The following POLQ variants were observed in gnomAD, a reference collection of about 807,000 sequenced individuals.
POLQ encodes the protein DNA polymerase theta, also known as epididymis secretory sperm binding protein.
In POLQ, 233 loss-of-function variants were observed where a neutral mutation model predicts 259.2. That is an observed-to-expected ratio of 0.90 (90% CI 0.81 to 1.00). POLQ has a LOEUF of 1.00. POLQ is among the 50% of genes least tolerant of loss of function. The pLI, the probability that POLQ is intolerant of heterozygous loss-of-function variation, is 0.00. For missense variants in POLQ, 2,871 were observed against 3,051.6 expected, an observed-to-expected ratio of 0.94 and a Z score of 1.39; for synonymous variants, 1,025 against 1,048.8, an observed-to-expected ratio of 0.98 and a Z score of 0.44.
At chr3:121,440,169 T>G in intron 26 of POLQ, 53 bp from the exon 27 acceptor site, 1 of 1,434,518 alleles carries the variant, frequency 7.0e-7, no homozygotes, top group Non-Finnish European at 9.7e-7. Context: ...ATCCTTCACT[T>G]CATTCACTGG....
intron 25 of POLQ, among the ~76,000 whole-genome samples, chr3:121,452,431 G>A (rs866138993): frequency 2.0e-5 from 3 of 151,540 alleles, no homozygotes; most frequent in South Asian, 4.2e-4. Flanking sequence ...CCACCGCCAC[G>A]TTTTTTAATG....
chr3:121,490,564 G>A, intron 15 of POLQ, 156 bp from the exon 16 acceptor site: 1 of 646,038 alleles, frequency 1.5e-6, no homozygotes. Context: ...TCTAGCTGGG[G>A]AATTCAGAAA....
At chr3:121,433,145 C>A in intron 28 of POLQ, 112 bp from the exon 29 acceptor site, 1 of 677,290 alleles carries the variant, frequency 1.5e-6, no homozygotes, top group South Asian at 1.6e-5. Context: ...TTAAAACACA[C>A]AAGAATAAGA....
rs1466459909 is a variant in POLQ, at chr3:121,460,172, G to A, written c.7030C>T (p.His2344Tyr). ...LELRILAHLS[H>Y]DRRLIQVLNT... ...AACACTTGAATGAGACGACGATCAT[G>A]GGATAAATGAGCCAAGATCCTCAGT... The change falls in exon 25 of 30, where the codon CAT (histidine) becomes TAT (tyrosine). Residue 2344 changes from histidine (H) to tyrosine (Y), a missense_variant. Transcript: ENST00000264233. The A allele has an allele frequency of 4.3e-6, 7 of 1,613,132 alleles. No individual in the cohort carries two copies. Among genetic ancestry groups the A allele is most frequent in the Non-Finnish European group, 5.9e-6 (7 of 1,179,218 alleles).
chr3:121,494,043 CTCTCTT>C, intron 14 of POLQ: 1 of 620,680 alleles, frequency 1.6e-6, no homozygotes, highest in Non-Finnish European at 2.8e-6. Context: ...TCCTCTCTCT[CTCTCTT>C]TCTTAAGCAA....
chr3:121,540,151 T>C (rs1192289085), intron 3 of POLQ, among the ~76,000 whole-genome samples: 1 of 152,128 alleles, frequency 6.6e-6, no homozygotes, highest in Non-Finnish European at 1.5e-5. Flanking sequence ...AGTTGAGTGA[T>C]GTTACCATGT....
In POLQ at chr3:121,489,182, C is replaced by G; in HGVS notation, c.3749G>C (p.Ser1250Thr). The change falls in exon 16 of 30, where the codon AGT becomes ACT. Residue 1250 changes from serine to threonine, a missense_variant. By Grantham distance (58) the Ser-to-Thr change is moderately conservative. Coordinates refer to ENST00000264233, the MANE Select transcript of POLQ (RefSeq NM_199420.4). ...ATCATCTCCTAATGCCTGAAAATGACTTGGTTTATTTTCCTCTGTATTAAG... is the reference window on the plus strand; with the variant it reads ...ATCATCTCCTAATGCCTGAAAATGAGTTGGTTTATTTTCCTCTGTATTAAG... ...IKLNTEENKP[S>T]HFQALGDDIS... is the part of the protein sequence containing the mutation. The G allele has an allele frequency of 1.9e-6, 3 of 1,612,418 alleles. No individual in the cohort carries two copies. The highest frequency in any genetic ancestry group is 2.5e-6 in the Non-Finnish European group (3 of 1,179,436).
chr3:121,523,608 G>C (rs141497927), intron 7 of POLQ, among the ~76,000 whole-genome samples: 1 of 151,984 alleles, frequency 6.6e-6, no homozygotes, highest in Non-Finnish European at 1.5e-5. Flanking sequence ...CCAGCTACTC[G>C]GGAGGCTGAA....
intron 19 of POLQ, among the ~76,000 whole-genome samples, chr3:121,478,708 A>G (rs1479330461): frequency 6.6e-6 from 1 of 152,038 alleles, no homozygotes; most frequent in Non-Finnish European, 1.5e-5. Context: ...AACTAATATT[A>G]AGAGAAAGCT....
chr3:121,513,567 A>C (rs2048271259), intron 9 of POLQ, among the ~76,000 whole-genome samples: 1 of 130,690 alleles, frequency 7.7e-6, no homozygotes, highest in Non-Finnish European at 1.5e-5. Flanking sequence ...ACGCCACTGC[A>C]CTCCAGCCTG....
chr3:121,457,935 C>T (rs1333758122), intron 25 of POLQ, among the ~76,000 whole-genome samples: 3 of 152,084 alleles, frequency 2.0e-5, no homozygotes, highest in East Asian at 1.9e-4. Flanking sequence ...TACATGCACA[C>T]GTATGTTTAT....
chr3:121,490,535 A>G lies in POLQ; in HGVS notation c.2523-127T>C, dbSNP rs1316118668. On this transcript the variant is annotated intron_variant, in intron 15 of 29. Coordinates refer to ENST00000264233, the MANE Select transcript of POLQ (RefSeq NM_199420.4). ...AACAATGAAGAAGAGAGAGAAATGTATCTGCTCTCATGGCACATTCTAGCT... is the reference window on the plus strand; with the variant it reads ...AACAATGAAGAAGAGAGAGAAATGTGTCTGCTCTCATGGCACATTCTAGCT... 9.4e-6 allele frequency: 7 copies of G among 744,856 alleles called. No individual in the cohort carries two copies. The African/African-American group carries it at 1.1e-4, about 11-fold the overall frequency. The allele number at this position is 744,856 out of a possible 1,614,324, so 46.1% of individuals were successfully genotyped here.
intron 20 of POLQ, among the ~76,000 whole-genome samples, chr3:121,474,165 T>C (rs1220148284): frequency 6.6e-6 from 1 of 152,156 alleles, no homozygotes; most frequent in South Asian, 2.1e-4. Context: ...TTAAGCCCCA[T>C]AGATCAACAT....
At chr3:121,438,415 C>T (rs547916052) in intron 27 of POLQ, among the ~76,000 whole-genome samples, 2 of 152,080 alleles carry the variant, frequency 1.3e-5, no homozygotes, top group African/African-American at 2.4e-5. Context: ...ATAATCAATT[C>T]GTATTATTAG....
intron 29 of POLQ, 102 bp from the exon 30 acceptor site, chr3:121,432,519 A>G (rs2047503288): frequency 8.6e-7 from 1 of 1,156,768 alleles, no homozygotes; most frequent in Non-Finnish European, 1.2e-6. Context: ...TCTTCACCCA[A>G]TGGTGCTTAA....
intron 19 of POLQ, among the ~76,000 whole-genome samples, chr3:121,479,265 A>C (rs2047951942): frequency 6.6e-6 from 1 of 151,606 alleles, no homozygotes; most frequent in African/African-American, 2.4e-5. Context: ...TAATCCCAGC[A>C]CTTTGGGAGG....
chr3:121,485,120 G>A lies in POLQ; in HGVS notation c.5694C>T (p.Thr1898=). Residue 1898 remains threonine, a synonymous_variant, in exon 17 of 30, where the codon ACC becomes ACT. Transcript: ENST00000264233. ...DGFPIKGCDD[T]LVVGLAVCWG... is the part of the protein sequence containing the mutation. Reference sequence around the variant, plus strand: ...AGCATACTGCCAGTCCAACCACCAAGGTGTCATCACAACCTTTAATGGGAA... The same window carrying A: ...AGCATACTGCCAGTCCAACCACCAAAGTGTCATCACAACCTTTAATGGGAA... The A allele has an allele frequency of 6.2e-7, 1 of 1,611,220 alleles. No homozygotes were observed. Among genetic ancestry groups the A allele is most frequent in the Non-Finnish European group, 8.5e-7 (1 of 1,177,796 alleles).
At chr3:121,537,666 A>G (rs1372559922) in intron 4 of POLQ, among the ~76,000 whole-genome samples, 1 of 152,198 alleles carries the variant, frequency 6.6e-6, no homozygotes, top group East Asian at 1.9e-4. Context: ...GAAGACATTT[A>G]AAAGACTCAA....
intron 24 of POLQ, among the ~76,000 whole-genome samples, chr3:121,461,985 A>ATCAAAAAT (rs1019730463): frequency 6.6e-6 from 1 of 152,222 alleles, no homozygotes; most frequent in African/African-American, 2.4e-5. Flanking sequence ...AGCATCCCTA[A>ATCAAAAAT]TCCAAAATTC....
Sources: allele counts gnomAD v4.1 joint callset (sites outside exome capture counted in the v4.1 genomes callset), GRCh38; gene constraint gnomAD v4.1.1; transcripts MANE v1.5; gene names NCBI Gene and HGNC (gene_info 2026-07-23, HGNC 2026-07-21).